Variants in CDH19 observed in about 807,000 individuals in gnomAD.
CDH19 encodes the protein cadherin 19, also known as cadherin-19.
A neutral mutation model predicts 64.2 loss-of-function variants in CDH19; 67 were observed. The observed-to-expected ratio is 1.04, with a 90% CI of 0.86 to 1.28. CDH19 has a LOEUF of 1.28. CDH19 is among the 50% of genes most tolerant of loss of function. CDH19 has a pLI of 0.00. For missense variants in CDH19, 1,030 were observed against 929.0 expected, an observed-to-expected ratio of 1.11 and a Z score of -1.41; for synonymous variants, 346 against 319.3, an observed-to-expected ratio of 1.08 and a Z score of -0.89.
At chr18:66,521,694 C>T (rs1282270269) in intron 9 of CDH19, among the ~76,000 whole-genome samples, 1 of 150,674 alleles carries the variant, frequency 6.6e-6, no homozygotes, top group Non-Finnish European at 1.5e-5. Flanking sequence ...AATCACCATG[C>T]CCAGCTAATT....
chr18:66,534,301 A>T (rs1428600779), intron 8 of CDH19, among the ~76,000 whole-genome samples: 1 of 151,996 alleles, frequency 6.6e-6, no homozygotes, highest in Admixed American at 6.6e-5. Flanking sequence ...GTGTTTCCAT[A>T]GAACTGTTCA....
intron 2 of CDH19, among the ~76,000 whole-genome samples, chr18:66,569,364 A>G (rs542584375): frequency 6.6e-6 from 1 of 151,550 alleles, no homozygotes; most frequent in Non-Finnish European, 1.5e-5. Flanking sequence ...CTTTTTTCAG[A>G]GTCATATGGT....
At chr18:66,557,869 G>A (rs893291112) in intron 3 of CDH19, among the ~76,000 whole-genome samples, 1 of 151,196 alleles carries the variant, frequency 6.6e-6, no homozygotes, top group African/African-American at 2.4e-5. Flanking sequence ...TACTGAAAAG[G>A]TTCCCTGATG....
rs140086471 is a variant in CDH19, at chr18:66,506,510, T to C, written c.1829-1208A>G. Among the ~76,000 whole-genome samples, 51 of 152,184 alleles carry C rather than the reference T, an allele frequency of 3.4e-4. 1 individual carries two copies. The East Asian group carries it at 9.1e-3, about 27-fold the overall frequency. On this transcript the variant is annotated intron_variant, in intron 11 of 11. Coordinates refer to ENST00000262150, the MANE Select transcript of CDH19 (RefSeq NM_021153.4). ...GAAAGTTGGTTCAGAGCCTGTTTTC[T>C]GTGACACCACATAAATTTCAGAAAT...
chr18:66,527,119 C>T (rs1260190611), intron 9 of CDH19, among the ~76,000 whole-genome samples: 1 of 150,388 alleles, frequency 6.6e-6, no homozygotes, highest in Non-Finnish European at 1.5e-5. Context: ...GAATGAATTA[C>T]AAATAAATTT....
Position 66,509,013 on chromosome 18 carries a change from A to G in CDH19, c.1810T>C (p.Cys604Arg). The G allele has an allele frequency of 6.2e-7, 1 of 1,609,862 alleles. No individual in the cohort carries two copies. The highest frequency in any genetic ancestry group is 8.5e-7 in the Non-Finnish European group (1 of 1,176,700). Residue 604 changes from cysteine (C) to arginine (R), a missense_variant, in exon 11 of 12, where the codon TGC (cysteine) becomes CGC (arginine). Coordinates refer to ENST00000262150, the MANE Select transcript of CDH19 (RefSeq NM_021153.4). The stretch of plus-strand genomic sequence containing the variant: ...TACCTACCAAATATGATCATAATGC[A>G]AATGAGAATAGCAATGATGACTTCT... ...KTEVIIAILI[C>R]IMIIFGFIFL...
At chr18:66,593,219 T>A (rs1400423569) in intron 1 of CDH19, among the ~76,000 whole-genome samples, 2 of 151,892 alleles carry the variant, frequency 1.3e-5, no homozygotes, top group African/African-American at 4.8e-5. Context: ...AAATTGTTTA[T>A]AATAACAGCA....
intron 1 of CDH19, among the ~76,000 whole-genome samples, chr18:66,600,764 C>T (rs1989018308): frequency 6.6e-6 from 1 of 151,844 alleles, no homozygotes; most frequent in Non-Finnish European, 1.5e-5. Context: ...CATCAATACG[C>T]TTATTTATTA....
At chr18:66,506,374 G>C (rs1450430371) in intron 11 of CDH19, among the ~76,000 whole-genome samples, 5 of 152,018 alleles carry the variant, frequency 3.3e-5, no homozygotes, top group Admixed American at 2.0e-4. Context: ...TAATTATGCT[G>C]ACTTGAGCAT....
rs555764758 is a variant in CDH19, at chr18:66,596,853, C to T, written c.-113+7101G>A. 1.4e-3 allele frequency among the ~76,000 whole-genome samples: 210 copies of T among 151,472 alleles called. 1 individual carries two copies. The highest frequency in any genetic ancestry group is 1.4e-3 in the African/African-American group (56 of 41,308). ...GTCCCAGCACTTTGGGAGGCCGAGG[C>T]GGGCGGATCACGAGGTCAGGAGATC... is the stretch of plus-strand genomic sequence containing the variant. On this transcript the variant is annotated intron_variant, in intron 1 of 11. Coordinates refer to ENST00000262150, the MANE Select transcript of CDH19 (RefSeq NM_021153.4).
chr18:66,554,592 C>T lies in CDH19; in HGVS notation c.491-68G>A, dbSNP rs768061805. The T allele has an allele frequency of 4.6e-5, 62 of 1,351,046 alleles. No individual in the cohort carries two copies. In the Middle Eastern group the frequency reaches 5.7e-4, roughly 12 times the overall value. 83.7% of individuals were successfully genotyped at this position (1,351,046 alleles called of 1,614,324 possible). On this transcript the variant is annotated intron_variant, in intron 3 of 11. Coordinates refer to ENST00000262150, the MANE Select transcript of CDH19 (RefSeq NM_021153.4). ...TCAGGATGAATTCAGTTCTGTGAAG[C>T]GGTCTTTCTTTACCAAGCAAGATGT...
intron 5 of CDH19, among the ~76,000 whole-genome samples, chr18:66,550,208 T>C (rs1242392209): frequency 2.0e-5 from 3 of 152,084 alleles, no homozygotes; most frequent in African/African-American, 7.2e-5. Context: ...ACCTGAAAAA[T>C]AAATTTCCTA....
Position 66,537,645 on chromosome 18 carries a change from ATACT to A in CDH19, c.1215-2542_1215-2539del, listed in dbSNP as rs1444946071. ...AGAGGAATAATGTTAACATTTTTTAATACTTTCTTTCTGGAACCACAAGATGCTC... is the reference window on the plus strand; with the variant it reads ...AGAGGAATAATGTTAACATTTTTTAATTCTTTCTGGAACCACAAGATGCTC... On this transcript the variant is annotated intron_variant, in intron 7 of 11. Transcript: ENST00000262150. Among the ~76,000 whole-genome samples, 4 of 152,048 alleles carry A rather than the reference ATACT, an allele frequency of 2.6e-5. No individual in the cohort carries two copies. In the South Asian group the frequency reaches 8.3e-4, roughly 31 times the overall value.
chr18:66,542,040 T>G (rs1986907214), intron 7 of CDH19, among the ~76,000 whole-genome samples: 1 of 152,148 alleles, frequency 6.6e-6, no homozygotes, highest in Admixed American at 6.5e-5. Context: ...AATTAACAGT[T>G]TTCAATACTT....
intron 9 of CDH19, among the ~76,000 whole-genome samples, chr18:66,521,916 C>CTGTTTT (rs775775092): frequency 0.081 from 9,070 of 111,458 alleles, 364 homozygotes; most frequent in East Asian, 0.14. Context: ...GTTACTTGTT[C>CTGTTTT]TGTTGTTGTT....
intron 8 of CDH19, among the ~76,000 whole-genome samples, chr18:66,530,283 G>A (rs993319791): frequency 6.6e-6 from 1 of 151,914 alleles, no homozygotes; most frequent in Non-Finnish European, 1.5e-5. Context: ...AAGAGTCCAG[G>A]AACCATTTAA....
At chr18:66,563,246 A>T (rs1987788184) in intron 3 of CDH19, among the ~76,000 whole-genome samples, 1 of 152,100 alleles carries the variant, frequency 6.6e-6, no homozygotes, top group South Asian at 2.1e-4. Flanking sequence ...ACAGTATGCT[A>T]TAGTGTTTGA....
At chr18:66,565,731 T>A (rs1469645087) in intron 3 of CDH19, among the ~76,000 whole-genome samples, 3 of 151,974 alleles carry the variant, frequency 2.0e-5, no homozygotes, top group Non-Finnish European at 4.4e-5. Context: ...AAGGAAACCG[T>A]TGCTAGAAGT....
chr18:66,562,798 T>A (rs149059512), intron 3 of CDH19, among the ~76,000 whole-genome samples: 8 of 152,268 alleles, frequency 5.3e-5, no homozygotes, highest in Admixed American at 1.3e-4. Context: ...TTAAAGGTGC[T>A]AACCTGTATA....
Sources: gnomAD v4.1 joint callset for allele counts (sites outside exome capture counted in the v4.1 genomes callset) on GRCh38, gnomAD v4.1.1 for gene constraint, MANE v1.5 for transcripts, NCBI Gene and HGNC (gene_info 2026-07-23, HGNC 2026-07-21) for gene names.